Variants in ANKRD31 observed in about 807,000 individuals in gnomAD.
The protein encoded by ANKRD31 is ankyrin repeat domain-containing protein 31.
Under a neutral mutation model 186.0 loss-of-function variants are expected in ANKRD31, and 147 were observed. That is an observed-to-expected ratio of 0.79 (90% CI 0.69 to 0.91). The LOEUF (loss-of-function observed/expected upper bound fraction) is 0.91. Among genes scored for constraint, ANKRD31 ranks in the 40% least tolerant of loss-of-function variants. The pLI is 0.00. For synonymous variants in ANKRD31, 673 were observed against 736.4 expected (o/e 0.91, Z 1.39); for missense variants, 1,986 against 2,148.8 (o/e 0.92, Z 1.50).
chr5:75,121,438 T>C (rs1748781857), intron 17 of ANKRD31, among the ~76,000 whole-genome samples: 2 of 152,202 alleles, frequency 1.3e-5, no homozygotes, highest in East Asian at 3.9e-4. Context: ...AGGAGTTAAA[T>C]TGAACTTTAG....
At chr5:75,111,228 C>T (rs940561425) in intron 20 of ANKRD31, among the ~76,000 whole-genome samples, 1 of 151,074 alleles carries the variant, frequency 6.6e-6, no homozygotes, top group Non-Finnish European at 1.5e-5. Context: ...GGGAGGGGGG[C>T]CTGGAAATAA....
chr5:75,201,048 A>G (rs190819930), intron 5 of ANKRD31, among the ~76,000 whole-genome samples: 290 of 152,346 alleles, frequency 1.9e-3, no homozygotes, highest in African/African-American at 6.1e-3. Flanking sequence ...CTACATAGCT[A>G]AAGTAAAAGC....
At chr5:75,185,430 C>A (rs528730129) in intron 10 of ANKRD31, among the ~76,000 whole-genome samples, 1 of 152,008 alleles carries the variant, frequency 6.6e-6, no homozygotes, top group Non-Finnish European at 1.5e-5. Context: ...TGGTGGCGGG[C>A]GCCTGTAATC....
chr5:75,084,330 A>C lies in ANKRD31; in HGVS notation c.5517T>G (p.Asp1839Glu). 1 of 1,537,192 alleles carries C rather than the reference A, an allele frequency of 6.5e-7. No individual in the cohort carries two copies. Among genetic ancestry groups the C allele is most frequent in the Non-Finnish European group, 8.7e-7 (1 of 1,146,864 alleles). Reference sequence around the variant, plus strand: ...AGTTTGGTTCTGGAAGTATGGGTGCATCCTCAGAAACATACCTTAAAAGCT... The same window carrying C: ...AGTTTGGTTCTGGAAGTATGGGTGCCTCCTCAGAAACATACCTTAAAAGCT... ...GKELLRYVSE[D>E]APILPEPNSV... The change falls in exon 24 of 26, where the codon GAT becomes GAG. Residue 1839 changes from aspartate (D) to glutamate (E), a missense_variant. By Grantham distance (45) the Asp-to-Glu change is conservative. Coordinates refer to ENST00000506364, the MANE Select transcript of ANKRD31 (RefSeq NM_001372053.1).
chr5:75,162,656 C>A (rs1422642739), intron 11 of ANKRD31, among the ~76,000 whole-genome samples: 11 of 152,128 alleles, frequency 7.2e-5, no homozygotes. Context: ...CCAGCCAAAT[C>A]TCCTCTTGAA....
At chr5:75,139,379 G>A (rs536196822) in intron 15 of ANKRD31, among the ~76,000 whole-genome samples, 2 of 152,160 alleles carry the variant, frequency 1.3e-5, no homozygotes, top group South Asian at 4.2e-4. Flanking sequence ...TGATCACATA[G>A]GTGCCAAGTA....
chr5:75,167,066 A>C (rs1393399157), intron 11 of ANKRD31, among the ~76,000 whole-genome samples: 1 of 151,882 alleles, frequency 6.6e-6, no homozygotes. Flanking sequence ...CCCTTTAACC[A>C]TTAGTTGTCA....
chr5:75,230,425 A>G, intron 2 of ANKRD31, 137 bp downstream of exon 2: 3 of 615,532 alleles, frequency 4.9e-6, no homozygotes, highest in Non-Finnish European at 8.1e-6. Context: ...TATTTATACA[A>G]ATTAGCTTAT....
intron 1 of ANKRD31, among the ~76,000 whole-genome samples, chr5:75,231,906 A>AACACAC (rs56755264): frequency 0.095 from 13,711 of 144,512 alleles, 900 homozygotes; most frequent in Non-Finnish European, 0.14. Context: ...ACTGTCTCAA[A>AACACAC]ACACACACAC....
In ANKRD31 at chr5:75,104,781, T is replaced by C. The variant is rs575393006; in HGVS notation, c.4778A>G (p.His1593Arg). 3.9e-6 allele frequency: 6 copies of C among 1,537,256 alleles called. No individual in the cohort carries two copies. Among genetic ancestry groups the C allele is most frequent in the African/African-American group, 2.7e-5 (2 of 73,172 alleles). ...TTTATTCTTCTCTGTGCCATCTGAATGTCTGGATTTTGGAAAACCATCCAA... is the reference window on the plus strand; with the variant it reads ...TTTATTCTTCTCTGTGCCATCTGAACGTCTGGATTTTGGAAAACCATCCAA... The part of the protein sequence containing the change: ...CTLDGFPKSR[H>R]SDGTEKNKLP... The change falls in exon 22 of 26, where the codon CAT (histidine) becomes CGT (arginine). Residue 1593 changes from histidine (H) to arginine (R), a missense_variant. His to Arg is a conservative substitution (Grantham distance 29). Transcript: ENST00000506364.
At chr5:75,101,621 C>A in intron 22 of ANKRD31, among the ~76,000 whole-genome samples, 1 of 152,154 alleles carries the variant, frequency 6.6e-6, no homozygotes, top group Non-Finnish European at 1.5e-5. Context: ...GAGGCTTTGT[C>A]GTTTCTTTTT....
chr5:75,068,690 A>T, intron 25 of ANKRD31, 26 bp from the exon 26 acceptor site: 1 of 1,462,872 alleles, frequency 6.8e-7, no homozygotes, highest in Middle Eastern at 1.8e-4. Context: ...TCAACAAATT[A>T]AAAACTGCCC....
intron 17 of ANKRD31, among the ~76,000 whole-genome samples, chr5:75,128,922 A>G (rs1749491699): frequency 6.6e-6 from 1 of 152,010 alleles, no homozygotes; most frequent in African/African-American, 2.4e-5. Context: ...GATCTTGATA[A>G]TTTGTCTATT....
At chr5:75,224,543 C>T (rs1054965042) in intron 2 of ANKRD31, among the ~76,000 whole-genome samples, 10 of 151,810 alleles carry the variant, frequency 6.6e-5, no homozygotes, top group South Asian at 4.2e-4. Context: ...TATTTTAAAC[C>T]GGGGCAACAA....
rs1033046616 is a variant in ANKRD31 at position 75,091,358 on chromosome 5, T to G, written c.5375A>C (p.Lys1792Thr). Reference sequence around the variant, plus strand: ...TTTATAAATCTGACCACTTTCTACCTTAAGTTTACCATTCAATAAAATACT... The same window carrying G: ...TTTATAAATCTGACCACTTTCTACCGTAAGTTTACCATTCAATAAAATACT... ...KASILLNGKL[K>T]VESGQIYKNP... The change falls in exon 23 of 26, where the codon AAG (lysine) becomes ACG (threonine). Residue 1792 changes from lysine (K) to threonine (T), a missense_variant. Transcript: ENST00000506364. 3 of 1,536,916 alleles carry G rather than the reference T, an allele frequency of 2.0e-6. No homozygotes were observed. In the African/African-American group the frequency reaches 4.1e-5, roughly 21 times the overall value.
At chr5:75,113,484 G>T (rs1029308141) in intron 19 of ANKRD31, among the ~76,000 whole-genome samples, 1 of 152,100 alleles carries the variant, frequency 6.6e-6, no homozygotes, top group African/African-American at 2.4e-5. Flanking sequence ...ATGAGATCTT[G>T]TAGGCAGAAG....
At chr5:75,144,974 A>C (rs1040175700) in intron 14 of ANKRD31, among the ~76,000 whole-genome samples, 1 of 145,108 alleles carries the variant, frequency 6.9e-6, no homozygotes, top group African/African-American at 2.5e-5. Context: ...ATGTGGCCAA[A>C]AAACATGAAA....
At chr5:75,214,919 C>A (rs1385894204) in intron 3 of ANKRD31, among the ~76,000 whole-genome samples, 2 of 152,160 alleles carry the variant, frequency 1.3e-5, no homozygotes, top group African/African-American at 2.4e-5. Flanking sequence ...TCCAGAGAAA[C>A]AGAACCAATG....
intron 17 of ANKRD31, among the ~76,000 whole-genome samples, chr5:75,129,402 C>T (rs1019279026): frequency 3.3e-5 from 5 of 152,188 alleles, no homozygotes; most frequent in African/African-American, 1.2e-4. Flanking sequence ...CGGACATTAG[C>T]TCACCCACTC....
Sources: allele counts gnomAD v4.1 joint callset (sites outside exome capture counted in the v4.1 genomes callset), GRCh38; gene constraint gnomAD v4.1.1; transcripts MANE v1.5; gene names NCBI Gene and HGNC (gene_info 2026-07-23, HGNC 2026-07-21).